The following PLG variants were observed in gnomAD, a reference collection of about 807,000 sequenced individuals.
The protein encoded by PLG is plasminogen.
PLG carries 41 observed loss-of-function variants against 104.4 expected under a neutral mutation model. The observed-to-expected ratio is 0.39, with a 90% CI of 0.31 to 0.51. The LOEUF is 0.51. Among genes scored for constraint, PLG ranks in the 20% least tolerant of loss-of-function variants. The pLI is 0.76. For synonymous variants in PLG, 337 were observed against 357.1 expected (o/e 0.94, Z 0.63); for missense variants, 891 against 1,003.6 (o/e 0.89, Z 1.52).
At chr6:160,749,903 G>GCCACCACCATCATGACCA (rs149258451) in intron 17 of PLG, among the ~76,000 whole-genome samples, 2 of 147,218 alleles carry the variant, frequency 1.4e-5, no homozygotes, top group African/African-American at 5.1e-5. Context: ...TTCCACCACT[G>GCCACCACCATCATGACCA]CCACCACCAC....
intron 17 of PLG, among the ~76,000 whole-genome samples, chr6:160,748,374 A>AGAGAGAGAGAGAG (rs1778320766): frequency 1.8e-5 from 1 of 55,318 alleles, no homozygotes; most frequent in African/African-American, 6.7e-5. Context: ...GAAAGAAAGA[A>AGAGAGAGAGAGAG]AGAAAGAAAG....
At chr6:160,714,007 A>G (rs895934792) in intron 5 of PLG, among the ~76,000 whole-genome samples, 9 of 152,240 alleles carry the variant, frequency 5.9e-5, no homozygotes, top group Non-Finnish European at 1.0e-4. Flanking sequence ...CAGTTCTCCC[A>G]TCACTTCCAC....
chr6:160,753,989 A>C lies in PLG; in HGVS notation c.*928A>C, dbSNP rs1486096223. Reference sequence around the variant, plus strand: ...GCAACAGTCATCTTACAGCAGAGAAATGCAGAGAAAAGCAAAACTGCAAGT... The same window carrying C: ...GCAACAGTCATCTTACAGCAGAGAACTGCAGAGAAAAGCAAAACTGCAAGT... On this transcript the variant is annotated 3_prime_UTR_variant, in exon 19 of 19. Transcript: ENST00000308192. The surrounding 1 kb of genome is among the most constrained non-coding windows in gnomAD (Gnocchi z 5.4). 1.3e-5 allele frequency among the ~76,000 whole-genome samples: 2 copies of C among 152,254 alleles called. No individual in the cohort carries two copies. Among genetic ancestry groups the C allele is most frequent in the Non-Finnish European group, 2.9e-5 (2 of 68,036 alleles).
chr6:160,704,413 G>A (rs966950935), intron 1 of PLG, among the ~76,000 whole-genome samples: 2 of 152,294 alleles, frequency 1.3e-5, no homozygotes, highest in Non-Finnish European at 2.9e-5. Context: ...TTGAATATCA[G>A]TTGTAGCCTG....
rs368221997 is a variant in PLG, at chr6:160,713,100, C to T, written c.522C>T (p.Asp174=). 6.2e-7 allele frequency: 1 copy of T among 1,610,476 alleles called. No individual in the cohort carries two copies. The highest frequency in any genetic ancestry group is 8.5e-7 in the Non-Finnish European group (1 of 1,178,482). The change falls in exon 5 of 19, where the codon GAC becomes GAT. Residue 174 remains aspartate (D), a synonymous_variant. Coordinates refer to ENST00000308192, the MANE Select transcript of PLG (RefSeq NM_000301.5). ...CYTTDPEKRY[D]YCDILECEEE... is the part of the protein sequence containing the mutation. ...CTACTGATCCAGAAAAGAGATATGACTACTGCGACATTCTTGAGTGTGAAG... is the reference window on the plus strand; with the variant it reads ...CTACTGATCCAGAAAAGAGATATGATTACTGCGACATTCTTGAGTGTGAAG...
At chr6:160,711,242 C>T (rs781635106) in intron 4 of PLG, 51 bp downstream of exon 4, 29 of 1,561,694 alleles carry the variant, frequency 1.9e-5, no homozygotes, top group Non-Finnish European at 2.5e-5. Context: ...AGTTGTCCCT[C>T]TGTGTCTGTG....
chr6:160,702,573 G>T (rs1161725512), intron 1 of PLG, among the ~76,000 whole-genome samples: 1 of 152,156 alleles, frequency 6.6e-6, no homozygotes, highest in African/African-American at 2.4e-5. Flanking sequence ...AAAATAATGG[G>T]TGATTTTTCA....
chr6:160,707,354 C>CGGACT (rs1463991738), intron 2 of PLG, among the ~76,000 whole-genome samples: 1 of 152,050 alleles, frequency 6.6e-6, no homozygotes, highest in African/African-American at 2.4e-5. Flanking sequence ...GTCATGGAGA[C>CGGACT]GGACTATCTT....
rs1186472592 is a variant in PLG, at chr6:160,737,949, C to G, written c.1803-589C>G. Among the ~76,000 whole-genome samples, 2 of 147,328 alleles carry G rather than the reference C, an allele frequency of 1.4e-5. No homozygotes were observed. Among genetic ancestry groups the G allele is most frequent in the African/African-American group, 5.2e-5 (2 of 38,238 alleles). ...TCAACATGCTACCATCATGCACTTC[C>G]TATCTCTATTCCTCTTCTTTAAATT... On this transcript the variant is annotated intron_variant, in intron 14 of 18. Transcript: ENST00000308192. This position sits in a 1 kb window ranked among gnomAD's most constrained non-coding sequence, Gnocchi z 4.7.
chr6:160,703,011 G>C (rs1777448958), intron 1 of PLG, among the ~76,000 whole-genome samples: 1 of 152,128 alleles, frequency 6.6e-6, no homozygotes. Flanking sequence ...GTGTGAGTGT[G>C]TATCCTTTAC....
In PLG at chr6:160,725,454, C is replaced by T. The variant is rs919694568; in HGVS notation, c.1256+2887C>T. Among the ~76,000 whole-genome samples, 1 of 150,946 alleles carries T rather than the reference C, an allele frequency of 6.6e-6. No homozygotes were observed. Among genetic ancestry groups the T allele is most frequent in the African/African-American group, 2.4e-5 (1 of 40,928 alleles). Reference sequence around the variant, plus strand: ...AGGGTTATTGCAAATCCTAGAACAACTGAAAAAATTTAAACTTAGAGGAAT... The same window carrying T: ...AGGGTTATTGCAAATCCTAGAACAATTGAAAAAATTTAAACTTAGAGGAAT... On this transcript the variant is annotated intron_variant, in intron 10 of 18. Coordinates refer to ENST00000308192, the MANE Select transcript of PLG (RefSeq NM_000301.5). This position sits in a 1 kb window ranked among gnomAD's most constrained non-coding sequence, Gnocchi z 6.3.
rs4252195 is a variant in PLG, at chr6:160,738,587, T to C, written c.1852T>C (p.Leu618=). The part of the protein sequence containing the change: ...GGTLISPEWV[L]TAAHCLEKSP... ...CACCTTGATATCCCCAGAGTGGGTGTTGACTGCTGCCCACTGCTTGGAGAA... is the reference window on the plus strand; with the variant it reads ...CACCTTGATATCCCCAGAGTGGGTGCTGACTGCTGCCCACTGCTTGGAGAA... The change falls in exon 15 of 19, where the codon TTG becomes CTG. Residue 618 remains leucine, a synonymous_variant. Transcript: ENST00000308192. The surrounding 1 kb of genome is among the most constrained non-coding windows in gnomAD (Gnocchi z 6.8). 5.4e-3 allele frequency: 8,728 copies of C among 1,609,400 alleles called. 41 individuals are homozygous for C. Among genetic ancestry groups the C allele is most frequent in the Non-Finnish European group, 7.0e-3 (8,243 of 1,175,604 alleles).
chr6:160,711,888 A>G, intron 4 of PLG: 1 of 1,381,732 alleles, frequency 7.2e-7, no homozygotes, highest in Non-Finnish European at 9.4e-7. Context: ...GTGAAATTCA[A>G]ATGTTGCAAC....
chr6:160,749,597 C>T (rs998084551), intron 17 of PLG, among the ~76,000 whole-genome samples: 20 of 151,356 alleles, frequency 1.3e-4, no homozygotes, highest in African/African-American at 4.4e-4. Flanking sequence ...CCACCATCAC[C>T]ATTATCATCA....
Position 160,725,179 on chromosome 6 carries a change from C to T in PLG, c.1256+2612C>T, listed in dbSNP as rs1044022725. Among the ~76,000 whole-genome samples the T allele has an allele frequency of 6.6e-6, 1 of 152,076 alleles. No individual in the cohort carries two copies. Among genetic ancestry groups the T allele is most frequent in the Non-Finnish European group, 1.5e-5 (1 of 68,024 alleles). On this transcript the variant is annotated intron_variant, in intron 10 of 18. Coordinates refer to ENST00000308192, the MANE Select transcript of PLG (RefSeq NM_000301.5). The surrounding 1 kb of genome is among the most constrained non-coding windows in gnomAD (Gnocchi z 6.3). ...GCAGTGAGCTGAGATCGTGCCATTA[C>T]GGTCCAACCTGGGTGACAGAGCGAG...
At position 160,738,740 on chromosome 6, in the gene PLG, G is replaced by A. The variant is rs564627928; in HGVS notation, c.1877+128G>A. The A allele has an allele frequency of 4.0e-4, 309 of 764,380 alleles. 1 individual carries two copies. In the African/African-American group the frequency reaches 4.9e-3, roughly 12 times the overall value. 47.3% of individuals were successfully genotyped at this position (764,380 alleles called of 1,614,324 possible). On this transcript the variant is annotated intron_variant, in intron 15 of 18. Coordinates refer to ENST00000308192, the MANE Select transcript of PLG (RefSeq NM_000301.5). The surrounding 1 kb of genome is among the most constrained non-coding windows in gnomAD (Gnocchi z 6.8). Reference sequence around the variant, plus strand: ...TCTCTGGCTGTGACACTAGGGACCAGGCCAGGGCAATTGGATAAGAGAGAA... The same window carrying A: ...TCTCTGGCTGTGACACTAGGGACCAAGCCAGGGCAATTGGATAAGAGAGAA...
At position 160,737,443 on chromosome 6, in the gene PLG, C is replaced by G. The variant is rs1462758067; in HGVS notation, c.1802+436C>G. On this transcript the variant is annotated intron_variant, in intron 14 of 18. Coordinates refer to ENST00000308192, the MANE Select transcript of PLG (RefSeq NM_000301.5). This position sits in a 1 kb window ranked among gnomAD's most constrained non-coding sequence, Gnocchi z 4.7. The stretch of plus-strand genomic sequence containing the variant: ...TCTATCACAGGCACAGATTCTTTTT[C>G]TTTGGACACTTTCGTGAATCATTGA... Among the ~76,000 whole-genome samples, 3 of 152,168 alleles carry G rather than the reference C, an allele frequency of 2.0e-5. No individual in the cohort carries two copies. Among genetic ancestry groups the G allele is most frequent in the Non-Finnish European group, 4.4e-5 (3 of 68,026 alleles).
rs149605584 is a variant in PLG, at chr6:160,722,998, T to A, written c.1256+431T>A. Among the ~76,000 whole-genome samples, 37 of 150,674 alleles carry A rather than the reference T, an allele frequency of 2.5e-4. No individual in the cohort carries two copies. In the East Asian group the frequency reaches 7.0e-3, roughly 28 times the overall value. ...CACAAGTAAATATACTTTATATATA[T>A]AAGTATGAATATATATACACACATA... On this transcript the variant is annotated intron_variant, in intron 10 of 18. Transcript: ENST00000308192.
intron 9 of PLG, among the ~76,000 whole-genome samples, chr6:160,721,632 A>G (rs1417434807): frequency 4.6e-5 from 7 of 152,210 alleles, no homozygotes; most frequent in African/African-American, 1.4e-4. Flanking sequence ...AACCCCATTG[A>G]CACTCGGCTG....
Sources: allele counts gnomAD v4.1 joint callset (sites outside exome capture counted in the v4.1 genomes callset), GRCh38; gene constraint gnomAD v4.1.1; non-coding constraint Gnocchi (gnomAD v3.1); transcripts MANE v1.5; gene names NCBI Gene and HGNC (gene_info 2026-07-23, HGNC 2026-07-21).